CDC37: variants seen among roughly 807,000 people sequenced by gnomAD.
CDC37 encodes cell division cycle 37, HSP90 cochaperone.
CDC37 carries 9 observed loss-of-function variants against 46.9 expected under a neutral mutation model. The observed-to-expected ratio is 0.19, with a 90% CI of 0.12 to 0.33. The LOEUF (loss-of-function observed/expected upper bound fraction) is 0.33, where lower values mean the gene tolerates loss of function less well. Ranked by LOEUF, CDC37 falls within the 10% of genes least tolerant of loss-of-function variation. CDC37 has a pLI of 1.00. For missense variants in CDC37, 388 were observed against 514.6 expected (o/e 0.75, Z 2.38); for synonymous variants, 193 against 191.0 (o/e 1.01, Z -0.09).
At chr19:10,403,307 G>A (rs1435036263) in intron 1 of CDC37, 71 bp downstream of exon 1, 11 of 1,148,272 alleles carry the variant, frequency 9.6e-6, no homozygotes, top group Admixed American at 3.8e-5. Flanking sequence ...GGGGTCCCTG[G>A]GCAGTATCGG....
rs1599379811 is a variant in CDC37, at chr19:10,393,719, A to C, written c.727-278T>G. ...TGGGCACCTCTAACTCAACATGGCC[A>C]CCTCCCAGCCTGCCTTGTCCTTGGT... On this transcript the variant is annotated intron_variant, in intron 5 of 7. Transcript: ENST00000222005. This position sits in a 1 kb window ranked among gnomAD's most constrained non-coding sequence, Gnocchi z 4.9. The C allele has an allele frequency of 5.1e-6, 2 of 394,418 alleles. No homozygotes were observed. Among genetic ancestry groups the C allele is most frequent in the South Asian group, 6.1e-5 (1 of 16,274 alleles). The allele number at this position is 394,418 out of a possible 1,614,324, so 24.4% of individuals were successfully genotyped here.
chr19:10,399,648 A>G (rs1427493412), intron 1 of CDC37, among the ~76,000 whole-genome samples: 1 of 149,544 alleles, frequency 6.7e-6, no homozygotes, highest in Admixed American at 6.7e-5. Flanking sequence ...AAAAAAAAAA[A>G]GTTGCTGGGT....
rs371406069 is a variant in CDC37, at chr19:10,395,211, G to C, written c.603+17C>G. The C allele has an allele frequency of 6.2e-7, 1 of 1,613,836 alleles. No homozygotes were observed. Among genetic ancestry groups the C allele is most frequent in the Non-Finnish European group, 8.5e-7 (1 of 1,179,958 alleles). ...ATGGCAGCGCCTTTTCACAGTCCCGGGGAAAGCTCCACTCACCTCCTCCAC... is the reference window on the plus strand; with the variant it reads ...ATGGCAGCGCCTTTTCACAGTCCCGCGGAAAGCTCCACTCACCTCCTCCAC... On this transcript the variant is annotated intron_variant, in intron 4 of 7. Coordinates refer to ENST00000222005, the MANE Select transcript of CDC37 (RefSeq NM_007065.4).
intron 7 of CDC37, 145 bp from the exon 8 acceptor site, chr19:10,391,851 C>G (rs2042458910): frequency 1.2e-6 from 1 of 811,970 alleles, no homozygotes; most frequent in South Asian, 1.8e-5. Context: ...GTCACCCAGG[C>G]TGGAGTGCAG....
At position 10,393,051 on chromosome 19, in the gene CDC37, C is replaced by T. The variant is rs773774395; in HGVS notation, c.981+35G>A. Reference sequence around the variant, plus strand: ...CACAGGGCTGGGGGAGACACACGGCCCGCCGGGAAGGCATGGGGCGCGGGG... The same window carrying T: ...CACAGGGCTGGGGGAGACACACGGCTCGCCGGGAAGGCATGGGGCGCGGGG... On this transcript the variant is annotated intron_variant, in intron 7 of 7. Coordinates refer to ENST00000222005, the MANE Select transcript of CDC37 (RefSeq NM_007065.4). This position sits in a 1 kb window ranked among gnomAD's most constrained non-coding sequence, Gnocchi z 4.9. 2.4e-5 allele frequency: 39 copies of T among 1,593,524 alleles called. No homozygotes were observed. The Middle Eastern group carries it at 5.0e-4, about 20-fold the overall frequency.
Position 10,393,227 on chromosome 19 carries a change from T to A in CDC37, c.909+32A>T, listed in dbSNP as rs1296193463. The A allele has an allele frequency of 6.2e-7, 1 of 1,612,856 alleles. No individual in the cohort carries two copies. Among genetic ancestry groups the A allele is most frequent in the East Asian group, 2.2e-5 (1 of 44,868 alleles). On this transcript the variant is annotated intron_variant, in intron 6 of 7. Coordinates refer to ENST00000222005, the MANE Select transcript of CDC37 (RefSeq NM_007065.4). The surrounding 1 kb of genome is among the most constrained non-coding windows in gnomAD (Gnocchi z 4.9). Reference sequence around the variant, plus strand: ...CCCTGGGGGGTCCCGCTCAGGGTCTTCCTGCTGCCCGCCTGGGCCGGGGAG... The same window carrying A: ...CCCTGGGGGGTCCCGCTCAGGGTCTACCTGCTGCCCGCCTGGGCCGGGGAG...
rs1235376880 is a variant in CDC37 at position 10,398,202 on chromosome 19, G to A, written c.103-1999C>T. Among the ~76,000 whole-genome samples the A allele has an allele frequency of 6.6e-6, 1 of 152,196 alleles. No homozygotes were observed. The highest frequency in any genetic ancestry group is 2.4e-5 in the African/African-American group (1 of 41,440). Reference sequence around the variant, plus strand: ...CATCTTGGGGGGTCTGAATTCAGATGGGACTTCTGATCCTGGCATCCTGGT... The same window carrying A: ...CATCTTGGGGGGTCTGAATTCAGATAGGACTTCTGATCCTGGCATCCTGGT... On this transcript the variant is annotated intron_variant, in intron 1 of 7. Coordinates refer to ENST00000222005, the MANE Select transcript of CDC37 (RefSeq NM_007065.4). The surrounding 1 kb of genome is among the most constrained non-coding windows in gnomAD (Gnocchi z 4.2).
chr19:10,391,747 C>T (rs747991495), intron 7 of CDC37, 41 bp from the exon 8 acceptor site: 12 of 1,601,112 alleles, frequency 7.5e-6, no homozygotes, highest in Admixed American at 6.8e-5. Flanking sequence ...GGCCGCCAGC[C>T]GGTGGTCCCC....
chr19:10,395,525 G>C lies in CDC37; in HGVS notation c.397C>G (p.Pro133Ala). Residue 133 changes from proline to alanine, a missense_variant, in exon 3 of 8, where the codon CCC becomes GCC. By Grantham distance (27) the Pro-to-Ala change is conservative. This residue lies in a region of CDC37 where 374 missense variants were observed against 467.4 expected (regional missense o/e 0.80). Transcript: ENST00000222005. ...GFSKSMVNTK[P>A]EKTEEDSEEV... ...TCTGAGTCCTCCTCCGTCTTCTCGG[G>C]CTTGGTATTTACCATGCTCTGTGGT... 6.2e-7 allele frequency: 1 copy of C among 1,613,882 alleles called. No individual in the cohort carries two copies. The highest frequency in any genetic ancestry group is 8.5e-7 in the Non-Finnish European group (1 of 1,179,730).
At position 10,398,154 on chromosome 19, in the gene CDC37, C is replaced by T. The variant is rs1481117736; in HGVS notation, c.103-1951G>A. ...CCTGTGAAGCCCATGCATTTGACCA[C>T]GTGACCAGAGTCCTCCCCACTACAT... On this transcript the variant is annotated intron_variant, in intron 1 of 7. Transcript: ENST00000222005. This position sits in a 1 kb window ranked among gnomAD's most constrained non-coding sequence, Gnocchi z 4.2. Among the ~76,000 whole-genome samples, 3 of 152,320 alleles carry T rather than the reference C, an allele frequency of 2.0e-5. No individual in the cohort carries two copies. Among genetic ancestry groups the T allele is most frequent in the South Asian group, 4.1e-4 (2 of 4,830 alleles).
rs758820884 is a variant in CDC37 at position 10,393,371 on chromosome 19, C to T, written c.797G>A (p.Arg266His). Residue 266 changes from arginine (R) to histidine (H), a missense_variant, in exon 6 of 8, where the codon CGT (arginine) becomes CAT (histidine). This residue lies in a region of CDC37 where 374 missense variants were observed against 467.4 expected (regional missense o/e 0.80). Coordinates refer to ENST00000222005, the MANE Select transcript of CDC37 (RefSeq NM_007065.4). The surrounding 1 kb of genome is among the most constrained non-coding windows in gnomAD (Gnocchi z 4.9). Reference sequence around the variant, plus strand: ...GGCCTTCTCGATGCGCAGCTTGGCACGGCCCCGCACACGCTCCTTGAAGGC... The same window carrying T: ...GGCCTTCTCGATGCGCAGCTTGGCATGGCCCCGCACACGCTCCTTGAAGGC... ...LEAFKERVRG[R>H]AKLRIEKAMK... 7.4e-6 allele frequency: 12 copies of T among 1,613,966 alleles called. No homozygotes were observed. In the African/African-American group the frequency reaches 1.1e-4, roughly 14 times the overall value.
At chr19:10,395,670 CA>C in intron 2 of CDC37, 127 bp from the exon 3 acceptor site, 1 of 891,430 alleles carries the variant, frequency 1.1e-6, no homozygotes, top group South Asian at 1.4e-5. Flanking sequence ...CCATGAGCAT[CA>C]AGGTGGCGGG....
In CDC37 at chr19:10,401,473, C is replaced by A. The variant is rs943696189; in HGVS notation, c.102+1905G>T. On this transcript the variant is annotated intron_variant, in intron 1 of 7. Coordinates refer to ENST00000222005, the MANE Select transcript of CDC37 (RefSeq NM_007065.4). ...GGCCCTCCCACCCGGCAGGACCAAA[C>A]CATTCTCCACAGTAGTAAAGATTAA... Among the ~76,000 whole-genome samples, 13 of 152,312 alleles carry A rather than the reference C, an allele frequency of 8.5e-5. 1 individual carries two copies. The highest frequency in any genetic ancestry group is 4.1e-4 in the South Asian group (2 of 4,826).
chr19:10,397,242 GT>G (rs148929599), intron 1 of CDC37, among the ~76,000 whole-genome samples: 17 of 145,640 alleles, frequency 1.2e-4, no homozygotes, highest in East Asian at 4.0e-4. Context: ...GCAAATGCTT[GT>G]TTTTTTTTTT....
Position 10,403,484 on chromosome 19 carries a change from C to A in CDC37, c.-5G>T. The A allele has an allele frequency of 6.2e-7, 1 of 1,609,736 alleles. No individual in the cohort carries two copies. Among genetic ancestry groups the A allele is most frequent in the Middle Eastern group, 1.7e-4 (1 of 6,040 alleles). On this transcript the variant is annotated 5_prime_UTR_variant, in exon 1 of 8. Transcript: ENST00000222005. Reference sequence around the variant, plus strand: ...CCACACGCTGTAGTCCACCATCTTGCCTTGGCGGCCCAGCCCGCTCCGGCT... The same window carrying A: ...CCACACGCTGTAGTCCACCATCTTGACTTGGCGGCCCAGCCCGCTCCGGCT...
At chr19:10,394,498 C>G (rs1243864735) in intron 5 of CDC37, among the ~76,000 whole-genome samples, 1 of 152,032 alleles carries the variant, frequency 6.6e-6, no homozygotes, top group Non-Finnish European at 1.5e-5. Context: ...AGTCACCAAG[C>G]CTGGCCTGAC....
intron 1 of CDC37, among the ~76,000 whole-genome samples, chr19:10,399,789 G>A (rs1177803150): frequency 3.3e-5 from 5 of 151,516 alleles, no homozygotes; most frequent in African/African-American, 1.2e-4. Context: ...AAAATTAGCC[G>A]GGCATGGTGG....
At chr19:10,402,982 G>C (rs1257421827) in intron 1 of CDC37, among the ~76,000 whole-genome samples, 1 of 152,144 alleles carries the variant, frequency 6.6e-6, no homozygotes, top group Middle Eastern at 3.2e-3. Flanking sequence ...ATCCCAGATA[G>C]GAAGTGAATA....
chr19:10,391,396 C>G lies in CDC37; in HGVS notation c.*155G>C, dbSNP rs1168071035. 1.2e-6 allele frequency: 1 copy of G among 818,794 alleles called. No homozygotes were observed. The highest frequency in any genetic ancestry group is 1.7e-5 in the African/African-American group (1 of 58,306). The allele number at this position is 818,794 out of a possible 1,614,324, so 50.7% of individuals were successfully genotyped here. ...TTGAATGGGCGCTGGAGAGTGGAGA[C>G]AGTGGAGAGGCCAGGGAGGGCTGGG... On this transcript the variant is annotated 3_prime_UTR_variant, in exon 8 of 8. Transcript: ENST00000222005.
Sources: gnomAD v4.1 joint callset for allele counts (sites outside exome capture counted in the v4.1 genomes callset) on GRCh38, gnomAD v4.1.1 for gene constraint, gnomAD v4.1.1 regional missense constraint, Gnocchi (gnomAD v3.1) non-coding constraint, MANE v1.5 for transcripts, NCBI Gene and HGNC (gene_info 2026-07-23, HGNC 2026-07-21) for gene names.